Variants in PLCG2 observed in about 807,000 individuals in gnomAD.
PLCG2 encodes 1-phosphatidylinositol 4,5-bisphosphate phosphodiesterase gamma-2.
Under a neutral mutation model 175.6 loss-of-function variants are expected in PLCG2, and 69 were observed. That is an observed-to-expected ratio of 0.39 (90% CI 0.32 to 0.48). The LOEUF is 0.48. Ranked by LOEUF, PLCG2 falls within the 20% of genes least tolerant of loss-of-function variation. The pLI is 0.91. For missense variants in PLCG2, 1,798 were observed against 1,650.9 expected, an observed-to-expected ratio of 1.09 and a Z score of -1.54; for synonymous variants, 827 against 624.0, an observed-to-expected ratio of 1.33 and a Z score of -4.85.
chr16:81,835,864 G>C (rs1376985259), intron 2 of PLCG2, among the ~76,000 whole-genome samples: 1 of 152,078 alleles, frequency 6.6e-6, no homozygotes, highest in Non-Finnish European at 1.5e-5. Context: ...CCCTTGGCTG[G>C]TGGATATTGG....
intron 2 of PLCG2, among the ~76,000 whole-genome samples, chr16:81,844,143 A>AT (rs60183943): frequency 0.14 from 12,694 of 93,742 alleles, 766 homozygotes; most frequent in Middle Eastern, 0.17. Flanking sequence ...CACCCGGCTG[A>AT]TTTTTTTTTT....
chr16:81,849,737 C>G (rs1029018100), intron 2 of PLCG2, among the ~76,000 whole-genome samples: 5 of 136,870 alleles, frequency 3.7e-5, no homozygotes, highest in Non-Finnish European at 6.1e-5. Context: ...TGCCACTGCA[C>G]TCCAGCCTGG....
chr16:81,933,829 G>A (rs1910603171), intron 25 of PLCG2, among the ~76,000 whole-genome samples: 1 of 152,206 alleles, frequency 6.6e-6, no homozygotes, highest in African/African-American at 2.4e-5. Flanking sequence ...CCTGCTTTGG[G>A]GTGAAGTGAG....
intron 31 of PLCG2, among the ~76,000 whole-genome samples, chr16:81,951,191 G>C (rs1238349595): frequency 6.6e-6 from 1 of 152,040 alleles, no homozygotes; most frequent in East Asian, 1.9e-4. Flanking sequence ...TTGCTGCCTA[G>C]GCTGCTCTCA....
chr16:81,887,275 A>C (rs977828842), intron 9 of PLCG2, among the ~76,000 whole-genome samples: 2 of 151,902 alleles, frequency 1.3e-5, no homozygotes, highest in African/African-American at 2.4e-5. Flanking sequence ...ACCCGCCACC[A>C]CGCCCAGCTA....
At chr16:81,834,789 C>T (rs1905429641) in intron 2 of PLCG2, among the ~76,000 whole-genome samples, 1 of 152,212 alleles carries the variant, frequency 6.6e-6, no homozygotes, top group African/African-American at 2.4e-5. Flanking sequence ...TTAACAAAAC[C>T]TCCTGCCAGT....
At chr16:81,812,603 A>G (rs953632479) in intron 2 of PLCG2, among the ~76,000 whole-genome samples, 1 of 152,134 alleles carries the variant, frequency 6.6e-6, no homozygotes, top group Admixed American at 6.5e-5. Context: ...AGATGGATAG[A>G]TTGCAAAATT....
chr16:81,880,546 C>G (rs1481043194), intron 7 of PLCG2, among the ~76,000 whole-genome samples: 3 of 149,698 alleles, frequency 2.0e-5, no homozygotes, highest in Non-Finnish European at 3.0e-5. Context: ...TTTGAGGTTG[C>G]AGAATAATAT....
chr16:81,929,450 C>T (rs1369252398), intron 24 of PLCG2, among the ~76,000 whole-genome samples: 1 of 152,230 alleles, frequency 6.6e-6, no homozygotes, highest in Non-Finnish European at 1.5e-5. Context: ...GGCTGGAGTG[C>T]AGTGGCGTGA....
At chr16:81,767,280 G>C (rs769987980) in intron 2 of PLCG2, among the ~76,000 whole-genome samples, 1 of 151,880 alleles carries the variant, frequency 6.6e-6, no homozygotes, top group East Asian at 1.9e-4. Flanking sequence ...GAATAGCTGG[G>C]GTTACGGGCG....
intron 5 of PLCG2, among the ~76,000 whole-genome samples, chr16:81,861,322 C>A (rs1368609211): frequency 1.3e-5 from 2 of 152,210 alleles, no homozygotes; most frequent in Non-Finnish European, 2.9e-5. Context: ...TCCTGAAAAT[C>A]TTTCCATCTT....
intron 9 of PLCG2, among the ~76,000 whole-genome samples, chr16:81,887,969 T>C (rs1185127012): frequency 6.6e-6 from 1 of 152,248 alleles, no homozygotes; most frequent in East Asian, 1.9e-4. Flanking sequence ...AGCAGCCCTG[T>C]TTGCCTATTC....
intron 7 of PLCG2, among the ~76,000 whole-genome samples, chr16:81,874,872 GTA>G (rs1907690632): frequency 6.7e-6 from 1 of 148,652 alleles, no homozygotes; most frequent in South Asian, 2.2e-4. Context: ...TAACTAGGCT[GTA>G]ATAACAGTAT....
chr16:81,870,576 T>A (rs932217444), intron 6 of PLCG2, among the ~76,000 whole-genome samples: 1 of 152,194 alleles, frequency 6.6e-6, no homozygotes, highest in African/African-American at 2.4e-5. Context: ...TGTGAGTATG[T>A]TTTCCCAGAC....
chr16:81,871,786 G>T (rs1907528878), intron 7 of PLCG2, among the ~76,000 whole-genome samples: 1 of 152,198 alleles, frequency 6.6e-6, no homozygotes, highest in Non-Finnish European at 1.5e-5. Context: ...CGGGGCCTGA[G>T]AATATATTAT....
rs1909473297 is a variant in PLCG2, at chr16:81,908,431, G to A, written c.1573G>A (p.Glu525Lys). ...EEVPQDIPPT[E>K]LHFGEKWFHK... ...TGCGGCCCAGGATATACCCCCTACAGAACTACATTTTGGGGAGAAATGGTT... is the reference window on the plus strand; with the variant it reads ...TGCGGCCCAGGATATACCCCCTACAAAACTACATTTTGGGGAGAAATGGTT... The change falls in exon 17 of 33, where the codon GAA (glutamate) becomes AAA (lysine). Residue 525 changes from glutamate (E) to lysine (K), a missense_variant. Coordinates refer to ENST00000564138, the MANE Select transcript of PLCG2 (RefSeq NM_002661.5). 1 of 1,614,016 alleles carries A rather than the reference G, an allele frequency of 6.2e-7. No individual in the cohort carries two copies. Among genetic ancestry groups the A allele is most frequent in the South Asian group, 1.1e-5 (1 of 91,052 alleles).
intron 2 of PLCG2, among the ~76,000 whole-genome samples, chr16:81,853,857 A>G (rs1906546021): frequency 6.6e-6 from 1 of 152,096 alleles, no homozygotes; most frequent in African/African-American, 2.4e-5. Context: ...CTCTCTTCTC[A>G]CAGGCCCTGT....
upstream of PLCG2, among the ~76,000 whole-genome samples, chr16:81,774,625 G>A (rs1021542263): frequency 1.3e-5 from 2 of 152,166 alleles, no homozygotes. Flanking sequence ...GGGGGTAGAG[G>A]GGTAGGGTTG....
rs111465927 is a variant in PLCG2 at position 81,882,403 on chromosome 16, G to A, written c.693-866G>A. ...GCCCTGATGGCCTGGAGTCTGGTGG[G>A]GCCTCATGTGGCTCCCACTCCAGAG... On this transcript the variant is annotated intron_variant, in intron 8 of 32. Coordinates refer to ENST00000564138, the MANE Select transcript of PLCG2 (RefSeq NM_002661.5). Among the ~76,000 whole-genome samples the A allele has an allele frequency of 3.3e-5, 5 of 152,182 alleles. 1 individual carries two copies. The highest frequency in any genetic ancestry group is 1.2e-4 in the African/African-American group (5 of 41,510).
Sources: gnomAD v4.1 joint callset for allele counts (sites outside exome capture counted in the v4.1 genomes callset) on GRCh38, gnomAD v4.1.1 for gene constraint, MANE v1.5 for transcripts, NCBI Gene and HGNC (gene_info 2026-07-23, HGNC 2026-07-21) for gene names.